Variants in FAM171A1 observed in about 807,000 individuals in gnomAD.
FAM171A1 encodes family with sequence similarity 171 member A1, also known as protein FAM171A1.
In FAM171A1, 23 loss-of-function variants were observed where a neutral mutation model predicts 74.9. The ratio of observed to expected loss-of-function variants is 0.31; its 90% CI spans 0.22 to 0.44. FAM171A1 has a LOEUF of 0.44. FAM171A1 is among the 20% of genes least tolerant of loss of function. FAM171A1 has a pLI of 1.00. For synonymous variants in FAM171A1, 527 were observed against 505.7 expected (o/e 1.04, Z -0.57); for missense variants, 1,162 against 1,159.2 (o/e 1.00, Z -0.03).
intron 1 of FAM171A1, among the ~76,000 whole-genome samples, chr10:15,308,786 A>C (rs1311948407): frequency 1.3e-5 from 2 of 152,178 alleles, no homozygotes; most frequent in Non-Finnish European, 2.9e-5. Context: ...AGCCACATTA[A>C]GGTCATCACA....
intron 3 of FAM171A1, among the ~76,000 whole-genome samples, chr10:15,257,052 G>A (rs575940770): frequency 2.0e-5 from 3 of 152,296 alleles, no homozygotes; most frequent in African/African-American, 7.2e-5. Flanking sequence ...AAGCCCCTGT[G>A]TAGAAGCCTG....
intron 1 of FAM171A1, among the ~76,000 whole-genome samples, chr10:15,292,124 G>A (rs542629368): frequency 4.7e-4 from 72 of 152,196 alleles, no homozygotes; most frequent in African/African-American, 1.6e-3. Context: ...GTGGTGGAAG[G>A]GATGAGGGGG....
chr10:15,351,615 G>GGATA (rs1439367626), intron 1 of FAM171A1, among the ~76,000 whole-genome samples: 10 of 151,386 alleles, frequency 6.6e-5, no homozygotes, highest in African/African-American at 2.2e-4. Flanking sequence ...ATGGATGCAT[G>GGATA]GATGGATGCA....
intron 3 of FAM171A1, among the ~76,000 whole-genome samples, chr10:15,257,835 T>C (rs1183944637): frequency 6.6e-6 from 1 of 152,144 alleles, no homozygotes; most frequent in Admixed American, 6.5e-5. Context: ...AAAGATGGTA[T>C]GCATGGGGTT....
At position 15,213,147 on chromosome 10, in the gene FAM171A1, C is replaced by T. The variant is rs769994957; in HGVS notation, c.2441G>A (p.Arg814Gln). 1.2e-5 allele frequency: 20 copies of T among 1,613,998 alleles called. No individual in the cohort carries two copies. The highest frequency in any genetic ancestry group is 5.3e-5 in the African/African-American group (4 of 74,918). Residue 814 changes from arginine (R) to glutamine (Q), a missense_variant, in exon 8 of 8, where the codon CGA becomes CAA. Transcript: ENST00000378116. The surrounding 1 kb of genome is among the most constrained non-coding windows in gnomAD (Gnocchi z 6.8). Reference protein sequence around the residue: ...TVCTPEDSALRCLLEGSSRRS... With the variant: ...TVCTPEDSALQCLLEGSSRRS... ...CCGACTCGACCCCTCCAACAAGCATCGCAGGGCACTGTCCTCGGGGGTACA... is the reference window on the plus strand; with the variant it reads ...CCGACTCGACCCCTCCAACAAGCATTGCAGGGCACTGTCCTCGGGGGTACA...
intron 5 of FAM171A1, chr10:15,237,358 T>C (rs913720439): frequency 1.3e-5 from 2 of 152,222 alleles, no homozygotes; most frequent in Admixed American, 6.5e-5. Context: ...GATGCTATTA[T>C]TTTATGAAAG....
chr10:15,250,007 T>C (rs10796267), intron 4 of FAM171A1, among the ~76,000 whole-genome samples: 65,783 of 152,068 alleles, frequency 0.43, 14,510 homozygotes, highest in Middle Eastern at 0.49. Flanking sequence ...CAGCTACTTA[T>C]ATACTTACCT....
intron 5 of FAM171A1, among the ~76,000 whole-genome samples, chr10:15,226,353 T>A (rs967425518): frequency 6.6e-6 from 1 of 152,362 alleles, no homozygotes; most frequent in South Asian, 2.1e-4. Flanking sequence ...CATCAAGGGA[T>A]GAAATTCTGC....
At chr10:15,273,464 C>T (rs572362961) in intron 3 of FAM171A1, among the ~76,000 whole-genome samples, 2 of 152,156 alleles carry the variant, frequency 1.3e-5, no homozygotes, top group Non-Finnish European at 2.9e-5. Context: ...ACAAGAGCTA[C>T]AAAGAGGAGC....
rs142179429 is a variant in FAM171A1 at position 15,248,882 on chromosome 10, G to A, written c.578-67C>T. ...CCCATGTGGGGCTGTGGAAACCTTTGCAAAAAAATAGTCGCAGCTACCATT... is the reference window on the plus strand; with the variant it reads ...CCCATGTGGGGCTGTGGAAACCTTTACAAAAAAATAGTCGCAGCTACCATT... On this transcript the variant is annotated intron_variant, in intron 4 of 7. Coordinates refer to ENST00000378116, the MANE Select transcript of FAM171A1 (RefSeq NM_001010924.2). 3.4e-6 allele frequency: 5 copies of A among 1,462,952 alleles called. No homozygotes were observed. In the East Asian group the frequency reaches 1.2e-4, roughly 36 times the overall value. 90.6% of individuals were successfully genotyped at this position (1,462,952 alleles called of 1,614,324 possible).
intron 3 of FAM171A1, among the ~76,000 whole-genome samples, chr10:15,266,489 C>T (rs1834742800): frequency 6.6e-6 from 1 of 151,934 alleles, no homozygotes; most frequent in Non-Finnish European, 1.5e-5. Context: ...GGTTTCCAGA[C>T]AGATTGGCAG....
chr10:15,319,950 T>C (rs1835467315), intron 1 of FAM171A1, among the ~76,000 whole-genome samples: 1 of 152,222 alleles, frequency 6.6e-6, no homozygotes, highest in African/African-American at 2.4e-5. Context: ...AGATTGACTT[T>C]TTAAACTTTT....
intron 3 of FAM171A1, 75 bp from the exon 4 acceptor site, chr10:15,254,954 C>A (rs1477914914): frequency 1.4e-6 from 2 of 1,464,706 alleles, no homozygotes; most frequent in African/African-American, 1.4e-5. Context: ...CCAGGAAGTG[C>A]CTCTCTAAGG....
At chr10:15,263,897 A>G (rs1342994165) in intron 3 of FAM171A1, among the ~76,000 whole-genome samples, 1 of 131,166 alleles carries the variant, frequency 7.6e-6, no homozygotes, top group African/African-American at 2.9e-5. Flanking sequence ...CTATCTATCT[A>G]TCTATCTATC....
intron 1 of FAM171A1, among the ~76,000 whole-genome samples, chr10:15,327,526 C>T (rs945314389): frequency 6.6e-6 from 1 of 152,096 alleles, no homozygotes; most frequent in African/African-American, 2.4e-5. Context: ...TAGCACGTGC[C>T]TATAATCCCA....
At chr10:15,228,016 A>C (rs962606000) in intron 5 of FAM171A1, among the ~76,000 whole-genome samples, 4 of 152,204 alleles carry the variant, frequency 2.6e-5, no homozygotes, top group African/African-American at 7.2e-5. Context: ...AAGAAAAGTG[A>C]GTTCAAAGAT....
At position 15,214,436 on chromosome 10, in the gene FAM171A1, G is replaced by A; in HGVS notation, c.1152C>T (p.Arg384=). 6.2e-7 allele frequency: 1 copy of A among 1,614,148 alleles called. No homozygotes were observed. Among genetic ancestry groups the A allele is most frequent in the Non-Finnish European group, 8.5e-7 (1 of 1,180,044 alleles). ...PGPLSVTSHG[R]PEAPGTKELM... is the part of the protein sequence containing the mutation. ...GTTCCTTCGTGCCGGGGGCCTCGGGGCGGCCGTGGCTGGTGACGGACAGCG... is the reference window on the plus strand; with the variant it reads ...GTTCCTTCGTGCCGGGGGCCTCGGGACGGCCGTGGCTGGTGACGGACAGCG... Residue 384 remains arginine (R), a synonymous_variant, in exon 8 of 8, where the codon CGC becomes CGT. Coordinates refer to ENST00000378116, the MANE Select transcript of FAM171A1 (RefSeq NM_001010924.2).
At chr10:15,330,713 CTTTTTTT>C (rs898772126) in intron 1 of FAM171A1, among the ~76,000 whole-genome samples, 1 of 76,758 alleles carries the variant, frequency 1.3e-5, no homozygotes, top group African/African-American at 5.2e-5. Flanking sequence ...TCTTCTTCTT[CTTTTTTT>C]TTTTTTTTTT....
At chr10:15,245,758 C>T (rs144560672) in intron 5 of FAM171A1, among the ~76,000 whole-genome samples, 1 of 152,308 alleles carries the variant, frequency 6.6e-6, no homozygotes, top group Non-Finnish European at 1.5e-5. Context: ...CTTCAGCGCC[C>T]CCTGGGAGGG....
Sources: gnomAD v4.1 joint callset for allele counts (sites outside exome capture counted in the v4.1 genomes callset) on GRCh38, gnomAD v4.1.1 for gene constraint, Gnocchi (gnomAD v3.1) non-coding constraint, MANE v1.5 for transcripts, NCBI Gene and HGNC (gene_info 2026-07-23, HGNC 2026-07-21) for gene names.